Variants in ROBO2 observed in about 807,000 individuals in gnomAD.
ROBO2 encodes roundabout guidance receptor 2.
A neutral mutation model predicts 160.8 loss-of-function variants in ROBO2; 53 were observed. The ratio of observed to expected loss-of-function variants is 0.33; its 90% confidence interval spans 0.26 to 0.41. The LOEUF (loss-of-function observed/expected upper bound fraction) is 0.41. Among genes scored for constraint, ROBO2 ranks in the 10% least tolerant of loss-of-function variants. The pLI is 1.00. For missense variants in ROBO2, 1,577 were observed against 1,722.4 expected, an observed-to-expected ratio of 0.92 and a Z score of 1.49; for synonymous variants, 664 against 611.7, an observed-to-expected ratio of 1.09 and a Z score of -1.26.
intron 2 of ROBO2, among the ~76,000 whole-genome samples, chr3:77,158,689 C>T (rs2078228297): frequency 1.3e-5 from 2 of 152,068 alleles, no homozygotes. Flanking sequence ...AAGAGTTTGT[C>T]TTCCGACATG....
At chr3:77,473,120 G>C (rs2083527171) in intron 2 of ROBO2, among the ~76,000 whole-genome samples, 1 of 151,976 alleles carries the variant, frequency 6.6e-6, no homozygotes. Context: ...TTGAGGATGC[G>C]GTGTCTGATT....
rs1037268367 is a variant in ROBO2 at position 75,930,586 on chromosome 3, T to G, written c.-13-6895T>G. Among the ~76,000 whole-genome samples, 3 of 152,302 alleles carry G rather than the reference T, an allele frequency of 2.0e-5. No homozygotes were observed. The East Asian group carries it at 5.8e-4, about 29-fold the overall frequency. On this transcript the variant is annotated intron_variant, in intron 1 of 26. Coordinates refer to the ROBO2 transcript ENST00000487694. ...TAAACACTACTAAACAGCTAATAATTTTCAGTTTTAGAGTTTGGCCCAGAC... is the reference window on the plus strand; with the variant it reads ...TAAACACTACTAAACAGCTAATAATGTTCAGTTTTAGAGTTTGGCCCAGAC...
At chr3:77,640,713 G>A (rs1284401751) in intron 24 of ROBO2, among the ~76,000 whole-genome samples, 3 of 152,152 alleles carry the variant, frequency 2.0e-5, no homozygotes, top group African/African-American at 4.8e-5. Context: ...AATCAACATA[G>A]AAATGAATAA....
chr3:76,190,371 C>A (rs1282580616), intron 2 of ROBO2, among the ~76,000 whole-genome samples: 3 of 152,024 alleles, frequency 2.0e-5, no homozygotes, highest in African/African-American at 7.2e-5. Context: ...AAATCTTATG[C>A]CTTCCACAGT....
intron 2 of ROBO2, among the ~76,000 whole-genome samples, chr3:76,235,786 T>C (rs1399333610): frequency 6.6e-6 from 1 of 152,174 alleles, no homozygotes; most frequent in Non-Finnish European, 1.5e-5. Flanking sequence ...ATTAATTGCA[T>C]TGTGGGTTTT....
At chr3:76,847,984 G>A (rs2068937801) in intron 2 of ROBO2, among the ~76,000 whole-genome samples, 2 of 151,836 alleles carry the variant, frequency 1.3e-5, no homozygotes, top group Admixed American at 1.3e-4. Context: ...GGGTGATCCT[G>A]GAATTAAAGA....
In ROBO2 at chr3:77,433,486, G is replaced by GTACATATATATATATATATATATATA. The variant is rs1325507347; in HGVS notation, c.389-43926_389-43925insCATATATATATATATATATATATATA. 8.7e-3 allele frequency among the ~76,000 whole-genome samples: 860 copies of GTACATATATATATATATATATATATA among 99,312 alleles called. 88 individuals carry two copies. Among genetic ancestry groups the GTACATATATATATATATATATATATA allele is most frequent in the Middle Eastern group, 0.024 (4 of 164 alleles). The allele number at this position is 99,312 out of a possible 152,430, so 65.2% of individuals were successfully genotyped here. A position where few individuals can be genotyped will look rare whatever the true frequency, so the allele number is the denominator to read the frequency against. On this transcript the variant is annotated intron_variant, in intron 2 of 25. Coordinates refer to ENST00000461745, the Ensembl canonical transcript of ROBO2. ...GATTTTCCTTCTTCTCTGGCAACTT[G>GTACATATATATATATATATATATATA]TATATATATATATATATATATATAT...
At chr3:77,510,367 A>G (rs941472569) in intron 5 of ROBO2, among the ~76,000 whole-genome samples, 2 of 152,080 alleles carry the variant, frequency 1.3e-5, no homozygotes, top group Non-Finnish European at 2.9e-5. Flanking sequence ...GTTGATAGAC[A>G]TGGAGGAAGA....
chr3:76,272,479 A>G (rs1373170880), intron 2 of ROBO2, among the ~76,000 whole-genome samples: 2 of 151,462 alleles, frequency 1.3e-5, no homozygotes, highest in Non-Finnish European at 2.9e-5. Context: ...CCTGGCTAAC[A>G]TGGTGAAACC....
intron 2 of ROBO2, among the ~76,000 whole-genome samples, chr3:76,329,923 G>A (rs6783242): frequency 0.07 from 10,696 of 152,050 alleles, 882 homozygotes; most frequent in East Asian, 0.4. Context: ...CTTCAGGAGC[G>A]TTTTCAAAGG....
At chr3:76,898,753 A>T (rs1239836397) in intron 2 of ROBO2, among the ~76,000 whole-genome samples, 1 of 152,138 alleles carries the variant, frequency 6.6e-6, no homozygotes, top group African/African-American at 2.4e-5. Flanking sequence ...TGGCGGTGTG[A>T]AGAATCATTA....
chr3:77,498,687 T>A (rs17015307), intron 5 of ROBO2, among the ~76,000 whole-genome samples: 4,711 of 152,142 alleles, frequency 0.031, 238 homozygotes, highest in African/African-American at 0.11. Context: ...TTAGATTAAT[T>A]GTTTGGAAGC....
intron 2 of ROBO2, among the ~76,000 whole-genome samples, chr3:77,182,366 C>T (rs1409950368): frequency 1.3e-5 from 2 of 152,006 alleles, no homozygotes; most frequent in Non-Finnish European, 2.9e-5. Context: ...TAAAGGATCG[C>T]TTGTCTAGGA....
At chr3:76,743,315 T>A (rs1236603343) in intron 2 of ROBO2, among the ~76,000 whole-genome samples, 1 of 152,018 alleles carries the variant, frequency 6.6e-6, no homozygotes, top group South Asian at 2.1e-4. Context: ...CTAGAGAAAA[T>A]AATGGAATAA....
chr3:77,403,619 T>TGTG (rs1491148217), intron 2 of ROBO2, among the ~76,000 whole-genome samples: 1 of 27,200 alleles, frequency 3.7e-5, no homozygotes, highest in African/African-American at 1.6e-4. Context: ...TGTGTGTGTA[T>TGTG]TTTTTTTTTT....
At chr3:76,619,079 G>A (rs940978185) in intron 2 of ROBO2, among the ~76,000 whole-genome samples, 1 of 151,950 alleles carries the variant, frequency 6.6e-6, no homozygotes, top group African/African-American at 2.4e-5. Context: ...GGTGGCTCAC[G>A]CCTGTAATCC....
At chr3:76,378,034 T>C (rs1381423255) in intron 2 of ROBO2, among the ~76,000 whole-genome samples, 1 of 152,188 alleles carries the variant, frequency 6.6e-6, no homozygotes, top group Non-Finnish European at 1.5e-5. Flanking sequence ...ATTAGAAATA[T>C]ACCTAGAGAA....
intron 2 of ROBO2, among the ~76,000 whole-genome samples, chr3:77,329,128 G>T (rs2065735947): frequency 6.6e-6 from 1 of 152,138 alleles, no homozygotes; most frequent in Non-Finnish European, 1.5e-5. Flanking sequence ...TTAATTAATA[G>T]TCCAGTGTTG....
At chr3:76,140,346 GAATA>G (rs2106749305) in intron 2 of ROBO2, among the ~76,000 whole-genome samples, 1 of 152,074 alleles carries the variant, frequency 6.6e-6, no homozygotes, top group South Asian at 2.1e-4. Context: ...GGGTAAAAAT[GAATA>G]AATAAGGCTT....
Sources: gnomAD v4.1 joint callset for allele counts (sites outside exome capture counted in the v4.1 genomes callset) on GRCh38, gnomAD v4.1.1 for gene constraint, MANE v1.5 for transcripts, NCBI Gene and HGNC (gene_info 2026-07-23, HGNC 2026-07-21) for gene names.